Variants in RAD51B observed in about 807,000 individuals in gnomAD.
The protein encoded by RAD51B is DNA repair protein RAD51 homolog 2.
Under a neutral mutation model 42.2 loss-of-function variants are expected in RAD51B, and 38 were observed. That is an observed-to-expected ratio of 0.90 (90% confidence interval 0.70 to 1.18). The LOEUF (loss-of-function observed/expected upper bound fraction) is 1.18. RAD51B is among the 50% of genes most tolerant of loss of function. RAD51B has a pLI of 0.00. For synonymous variants in RAD51B, 154 were observed against 145.2 expected, an observed-to-expected ratio of 1.06 and a Z score of -0.43; for missense variants, 373 against 400.7, an observed-to-expected ratio of 0.93 and a Z score of 0.59.
At chr14:68,049,101 C>T (rs530765175) in intron 7 of RAD51B, among the ~76,000 whole-genome samples, 16 of 151,962 alleles carry the variant, frequency 1.1e-4, no homozygotes, top group Admixed American at 5.9e-4. Context: ...AGCAGACTAC[C>T]GCAAGGACAA....
intron 7 of RAD51B, among the ~76,000 whole-genome samples, chr14:68,094,398 A>T (rs1278630695): frequency 6.6e-6 from 1 of 152,240 alleles, no homozygotes; most frequent in Admixed American, 6.5e-5. Flanking sequence ...TATGCACTAG[A>T]GGGCCATGCT....
chr14:67,823,907 G>C (rs748142230), intron 2 of RAD51B, among the ~76,000 whole-genome samples: 3 of 152,142 alleles, frequency 2.0e-5, no homozygotes, highest in Non-Finnish European at 4.4e-5. Context: ...TGAGAAATAG[G>C]ACTCAAATGA....
chr14:67,835,292 G>A (rs1159423569), intron 4 of RAD51B, 96 bp downstream of exon 4: 10 of 892,024 alleles, frequency 1.1e-5, no homozygotes, highest in East Asian at 7.3e-5. Flanking sequence ...TTTCTGGAAC[G>A]GTAATCTGAA....
intron 8 of RAD51B, among the ~76,000 whole-genome samples, chr14:68,405,508 T>C (rs1212902345): frequency 6.6e-6 from 1 of 152,172 alleles, no homozygotes; most frequent in African/African-American, 2.4e-5. Flanking sequence ...TTATTACTTT[T>C]ATGGTGGATT....
chr14:68,247,250 T>A (rs1595601727), intron 7 of RAD51B, among the ~76,000 whole-genome samples: 1 of 152,292 alleles, frequency 6.6e-6, no homozygotes, highest in East Asian at 1.9e-4. Context: ...TAAATAAAAC[T>A]TCAGCTTGAA....
At chr14:68,160,299 G>T (rs900390937) in intron 7 of RAD51B, among the ~76,000 whole-genome samples, 1 of 152,124 alleles carries the variant, frequency 6.6e-6, no homozygotes, top group African/African-American at 2.4e-5. Context: ...AAATTAGAAA[G>T]GCCAGGTAAT....
At chr14:68,437,866 T>C (rs1594837381) in intron 9 of RAD51B, among the ~76,000 whole-genome samples, 2 of 152,234 alleles carry the variant, frequency 1.3e-5, no homozygotes, top group Admixed American at 1.3e-4. Context: ...GAAGAGGGTG[T>C]GATACTGGAA....
intron 7 of RAD51B, among the ~76,000 whole-genome samples, chr14:67,895,934 T>G (rs2043401111): frequency 6.6e-6 from 1 of 152,242 alleles, no homozygotes; most frequent in Admixed American, 6.5e-5. Context: ...TTTGTATCAC[T>G]GTTTTAGCCC....
chr14:68,401,716 G>A (rs1238433403), intron 8 of RAD51B, among the ~76,000 whole-genome samples: 1 of 152,100 alleles, frequency 6.6e-6, no homozygotes, highest in African/African-American at 2.4e-5. Context: ...CTTCCTCGGT[G>A]GGTAAATGGT....
At chr14:68,672,396 G>A (rs1297313915) in intron 11 of RAD51B, among the ~76,000 whole-genome samples, 1 of 152,206 alleles carries the variant, frequency 6.6e-6, no homozygotes, top group Non-Finnish European at 1.5e-5. Context: ...AAAATTCTAG[G>A]CAGAGACAAG....
chr14:68,090,944 A>G lies in RAD51B; in HGVS notation c.757-200940A>G, dbSNP rs1461038066. On this transcript the variant is annotated intron_variant, in intron 7 of 10. Transcript: ENST00000471583. Reference sequence around the variant, plus strand: ...TCAATTCCCACCTATGAGTGAGAACATGCGGTGTTTGGTTTTTTGTCCTTG... The same window carrying G: ...TCAATTCCCACCTATGAGTGAGAACGTGCGGTGTTTGGTTTTTTGTCCTTG... Among the ~76,000 whole-genome samples, 5 of 145,756 alleles carry G rather than the reference A, an allele frequency of 3.4e-5. No individual in the cohort carries two copies. The East Asian group carries it at 6.2e-4, about 18-fold the overall frequency.
intron 10 of RAD51B, among the ~76,000 whole-genome samples, chr14:68,543,341 T>G (rs1888064637): frequency 6.6e-6 from 1 of 152,224 alleles, no homozygotes; most frequent in Non-Finnish European, 1.5e-5. Context: ...AAGCACATTT[T>G]GCCAAAATAC....
chr14:68,457,047 G>T (rs2085713436), intron 9 of RAD51B, among the ~76,000 whole-genome samples: 1 of 151,284 alleles, frequency 6.6e-6, no homozygotes, highest in Non-Finnish European at 1.5e-5. Flanking sequence ...TGAGTAGCTG[G>T]GATTACAGGC....
chr14:67,927,560 C>T (rs2044561172), intron 7 of RAD51B, among the ~76,000 whole-genome samples: 2 of 152,118 alleles, frequency 1.3e-5, no homozygotes, highest in South Asian at 4.1e-4. Flanking sequence ...AGTTTTTTAG[C>T]TCCCACATGT....
chr14:67,948,976 A>G (rs1472624589), intron 7 of RAD51B, among the ~76,000 whole-genome samples: 1 of 148,486 alleles, frequency 6.7e-6, no homozygotes, highest in Non-Finnish European at 1.5e-5. Flanking sequence ...ACATACCTTA[A>G]TTTAAAAGTT....
chr14:68,667,659 G>C (rs1183925532), intron 11 of RAD51B, among the ~76,000 whole-genome samples: 1 of 152,190 alleles, frequency 6.6e-6, no homozygotes, highest in Non-Finnish European at 1.5e-5. Context: ...ATGAACCCTT[G>C]ACAAAGCTCT....
intron 10 of RAD51B, among the ~76,000 whole-genome samples, chr14:68,571,734 C>T (rs1348507822): frequency 6.6e-6 from 1 of 152,198 alleles, no homozygotes; most frequent in Non-Finnish European, 1.5e-5. Flanking sequence ...ATTCTCCCTA[C>T]CACATATAGT....
At chr14:68,470,251 T>C (rs1360383281) in intron 10 of RAD51B, among the ~76,000 whole-genome samples, 3 of 152,170 alleles carry the variant, frequency 2.0e-5, no homozygotes, top group African/African-American at 7.2e-5. Flanking sequence ...GCTTTCTAAG[T>C]TGTTTTCTCT....
chr14:68,207,803 G>A (rs542038367), intron 7 of RAD51B, among the ~76,000 whole-genome samples: 121 of 152,086 alleles, frequency 8.0e-4, no homozygotes, highest in Middle Eastern at 3.4e-3. Flanking sequence ...TTTGATATTT[G>A]GTTACCAAAG....
Sources: gnomAD v4.1 joint callset for allele counts (sites outside exome capture counted in the v4.1 genomes callset) on GRCh38, gnomAD v4.1.1 for gene constraint, MANE v1.5 for transcripts, NCBI Gene and HGNC (gene_info 2026-07-23, HGNC 2026-07-21) for gene names.